PLEKHG7: variants seen among roughly 807,000 people sequenced by gnomAD.
PLEKHG7 encodes the protein pleckstrin homology and RhoGEF domain containing G7, also known as pleckstrin homology domain-containing family G member 7.
A neutral mutation model predicts 85.2 loss-of-function variants in PLEKHG7; 77 were observed. The observed-to-expected ratio is 0.90, with a 90% CI of 0.75 to 1.09. The LOEUF (loss-of-function observed/expected upper bound fraction) is 1.09, where lower values mean the gene tolerates loss of function less well. PLEKHG7 is among the 50% of genes least tolerant of loss of function. The pLI is 0.00. For synonymous variants in PLEKHG7, 301 were observed against 302.4 expected, an observed-to-expected ratio of 1.00 and a Z score of 0.05; for missense variants, 777 against 804.3, an observed-to-expected ratio of 0.97 and a Z score of 0.41.
intron 13 of PLEKHG7, among the ~76,000 whole-genome samples, chr12:92,760,783 A>G (rs997498101): frequency 2.6e-5 from 4 of 152,258 alleles, no homozygotes; most frequent in African/African-American, 9.6e-5. Flanking sequence ...ATTAAAACTA[A>G]TATCAGAAAA....
intron 9 of PLEKHG7, 67 bp from the exon 10 acceptor site, chr12:92,745,406 GAAACA>G: frequency 9.6e-7 from 1 of 1,037,316 alleles, no homozygotes; most frequent in East Asian, 2.4e-5. Context: ...AAAGTGAGGA[GAAACA>G]CTCTTTCAGG....
At chr12:92,753,040 C>G (rs1286816051) in intron 10 of PLEKHG7, among the ~76,000 whole-genome samples, 3 of 152,180 alleles carry the variant, frequency 2.0e-5, no homozygotes, top group African/African-American at 7.2e-5. Flanking sequence ...TGCCGCTCCA[C>G]TGAAGGTTAG....
chr12:92,709,987 A>T (rs1871337087), intron 3 of PLEKHG7, among the ~76,000 whole-genome samples: 1 of 152,118 alleles, frequency 6.6e-6, no homozygotes, highest in Non-Finnish European at 1.5e-5. Context: ...TCCAGGTGGC[A>T]ATTTTAACTT....
chr12:92,764,561 G>A (rs1401068567), intron 15 of PLEKHG7, among the ~76,000 whole-genome samples: 1 of 151,872 alleles, frequency 6.6e-6, no homozygotes, highest in African/African-American at 2.4e-5. Flanking sequence ...TACTATTGCT[G>A]TTATTAAAAC....
intron 3 of PLEKHG7, among the ~76,000 whole-genome samples, chr12:92,719,581 G>A (rs1210822315): frequency 6.6e-6 from 1 of 152,190 alleles, no homozygotes. Flanking sequence ...CTTTATCCAA[G>A]TTGCAGTGCC....
At position 92,764,194 on chromosome 12, in the gene PLEKHG7, G is replaced by A. The variant is rs141584351; in HGVS notation, c.1870G>A (p.Val624Ile). 4.4e-6 allele frequency: 7 copies of A among 1,599,310 alleles called. No individual in the cohort carries two copies. Among genetic ancestry groups the A allele is most frequent in the Non-Finnish European group, 6.0e-6 (7 of 1,172,432 alleles). ...AAGTATTGAACCACTCCATGTGTCAGGTATGTGTCTATTTTCATTATTCAG... is the reference window on the plus strand; with the variant it reads ...AAGTATTGAACCACTCCATGTGTCAAGTATGTGTCTATTTTCATTATTCAG... ...VKSIEPLHVSVFGLRNAFLIQ... is the reference protein window; with the variant it reads ...VKSIEPLHVSIFGLRNAFLIQ... Residue 624 changes from valine (V) to isoleucine (I), a missense_variant and splice_region_variant, in exon 15 of 17, where the codon GTC (valine) becomes ATC (isoleucine). This residue lies in a region of PLEKHG7 where 520 missense variants were observed against 544.0 expected (regional missense o/e 0.96). Transcript: ENST00000344636.
Position 92,754,273 on chromosome 12 carries a change from CTGAGA to C in PLEKHG7, c.1426+11_1426+15del. On this transcript the variant is annotated intron_variant, in intron 11 of 16. Coordinates refer to ENST00000344636, the MANE Select transcript of PLEKHG7 (RefSeq NM_001377329.1). The stretch of plus-strand genomic sequence containing the variant: ...GGTGGAAAAGTCCATCCGTAAGTCC[CTGAGA>C]TAAGTGAGCTTAATTACAGAATTGT... The C allele has an allele frequency of 6.2e-7, 1 of 1,612,458 alleles. No individual in the cohort carries two copies. Among genetic ancestry groups the C allele is most frequent in the Non-Finnish European group, 8.5e-7 (1 of 1,178,860 alleles).
At chr12:92,752,208 G>C (rs1328079728) in intron 10 of PLEKHG7, among the ~76,000 whole-genome samples, 1 of 152,144 alleles carries the variant, frequency 6.6e-6, no homozygotes, top group African/African-American at 2.4e-5. Flanking sequence ...GAAGAGAATA[G>C]AGCCAGCAAA....
rs576067606 is a variant in PLEKHG7 at position 92,745,054 on chromosome 12, T to C, written c.1138-424T>C. Among the ~76,000 whole-genome samples, 18 of 152,336 alleles carry C rather than the reference T, an allele frequency of 1.2e-4. No homozygotes were observed. In the South Asian group the frequency reaches 1.4e-3, roughly 12 times the overall value. On this transcript the variant is annotated intron_variant, in intron 9 of 16. Coordinates refer to ENST00000344636, the MANE Select transcript of PLEKHG7 (RefSeq NM_001377329.1). ...GACATATCAGATGAAAAGTTAAGTG[T>C]CCTTACTTTAATCACTTACTATCAA... is the stretch of plus-strand genomic sequence containing the variant.
intron 3 of PLEKHG7, among the ~76,000 whole-genome samples, chr12:92,718,285 A>G (rs1025224332): frequency 1.2e-4 from 18 of 152,228 alleles, no homozygotes; most frequent in South Asian, 8.3e-4. Flanking sequence ...GCATGGTGCA[A>G]GGGGAACCAC....
intron 15 of PLEKHG7, among the ~76,000 whole-genome samples, chr12:92,767,323 C>T (rs1873231513): frequency 6.6e-6 from 1 of 152,094 alleles, no homozygotes; most frequent in Admixed American, 6.5e-5. Flanking sequence ...GTCCCTTGTA[C>T]CCATACTACA....
At chr12:92,750,176 T>G (rs1030029734) in intron 10 of PLEKHG7, among the ~76,000 whole-genome samples, 1 of 151,838 alleles carries the variant, frequency 6.6e-6, no homozygotes, top group Admixed American at 6.6e-5. Context: ...CCTTTCACAG[T>G]TCCCCTAAGC....
chr12:92,769,408 T>G (rs561509684), intron 16 of PLEKHG7, among the ~76,000 whole-genome samples: 61 of 152,294 alleles, frequency 4.0e-4, no homozygotes, highest in African/African-American at 1.4e-3. Flanking sequence ...GGGGGAAGAA[T>G]TGATTTGGAT....
chr12:92,762,436 G>A (rs967327360), intron 14 of PLEKHG7, among the ~76,000 whole-genome samples: 3 of 152,168 alleles, frequency 2.0e-5, no homozygotes, highest in African/African-American at 7.2e-5. Context: ...TCAACTGGGA[G>A]CTAGAGCTAC....
rs146898423 is a variant in PLEKHG7 at position 92,715,241 on chromosome 12, A to G, written c.530+7569A>G. ...AGACGTAGGCTGGGAGGCTAAGCCA[A>G]TCTCAGATCTTCACGTTTTTCTGCC... is the stretch of plus-strand genomic sequence containing the variant. On this transcript the variant is annotated intron_variant, in intron 3 of 16. Coordinates refer to ENST00000344636, the MANE Select transcript of PLEKHG7 (RefSeq NM_001377329.1). 5.9e-3 allele frequency among the ~76,000 whole-genome samples: 894 copies of G among 152,228 alleles called. 12 individuals carry two copies. Among genetic ancestry groups the G allele is most frequent in the African/African-American group, 0.02 (826 of 41,544 alleles).
At chr12:92,740,776 T>A (rs747742351) in intron 7 of PLEKHG7, 77 bp from the exon 8 acceptor site, 1 of 915,100 alleles carries the variant, frequency 1.1e-6, no homozygotes, top group Non-Finnish European at 1.7e-6. Flanking sequence ...AGGAGGTTTA[T>A]GTTTAAAGTT....
intron 15 of PLEKHG7, among the ~76,000 whole-genome samples, chr12:92,765,210 G>A (rs1171524127): frequency 3.3e-5 from 5 of 152,092 alleles, no homozygotes; most frequent in Admixed American, 6.5e-5. Flanking sequence ...AATGCTGGCC[G>A]GGTGCAGTGG....
In PLEKHG7 at chr12:92,706,734, C is replaced by T; in HGVS notation, c.103C>T (p.Leu35Phe). The T allele has an allele frequency of 6.2e-7, 1 of 1,614,136 alleles. No homozygotes were observed. Among genetic ancestry groups the T allele is most frequent in the Non-Finnish European group, 8.5e-7 (1 of 1,180,018 alleles). Residue 35 changes from leucine (L) to phenylalanine (F), a missense_variant, in exon 2 of 17, where the codon CTC (leucine) becomes TTC (phenylalanine). By Grantham distance (22) the Leu-to-Phe change is conservative. Coordinates refer to ENST00000344636, the MANE Select transcript of PLEKHG7 (RefSeq NM_001377329.1). ...CCTGCCAAAGAACCAGGGGAGTCTCCTCCAGTTTGACCGGCAAGCCCCAGG... is the reference window on the plus strand; with the variant it reads ...CCTGCCAAAGAACCAGGGGAGTCTCTTCCAGTTTGACCGGCAAGCCCCAGG... ...RSLPKNQGSL[L>F]QFDRQAPGRI...
chr12:92,741,454 G>A (rs1397512467), intron 8 of PLEKHG7, 37 bp from the exon 9 acceptor site: 1 of 1,373,666 alleles, frequency 7.3e-7, no homozygotes, highest in Non-Finnish European at 1.0e-6. Flanking sequence ...AACCCTGGGT[G>A]TGTGCCTATT....
Sources: gnomAD v4.1 joint callset for allele counts (sites outside exome capture counted in the v4.1 genomes callset) on GRCh38, gnomAD v4.1.1 for gene constraint, gnomAD v4.1.1 regional missense constraint, MANE v1.5 for transcripts, NCBI Gene and HGNC (gene_info 2026-07-23, HGNC 2026-07-21) for gene names.